ABLIM1: variants seen among roughly 807,000 people sequenced by gnomAD.
ABLIM1 encodes actin-binding LIM protein 1.
In ABLIM1, 40 loss-of-function variants were observed where a neutral mutation model predicts 107.0. That is an observed-to-expected ratio of 0.37 (90% confidence interval 0.29 to 0.49). The LOEUF is 0.49. Ranked by LOEUF, ABLIM1 falls within the 20% of genes least tolerant of loss-of-function variation. ABLIM1 has a pLI of 0.97. For missense variants in ABLIM1, 857 were observed against 1,008.5 expected (o/e 0.85, Z 2.04); for synonymous variants, 357 against 357.3 (o/e 1.00, Z 0.01).
At chr10:114,538,911 C>A (rs1481561377) in intron 6 of ABLIM1, among the ~76,000 whole-genome samples, 1 of 152,256 alleles carries the variant, frequency 6.6e-6, no homozygotes, top group Non-Finnish European at 1.5e-5. Flanking sequence ...CAAGCCCACC[C>A]TTCCTTAGTC....
At chr10:114,709,648 T>C (rs1363326168) in intron 1 of ABLIM1, among the ~76,000 whole-genome samples, 1 of 152,218 alleles carries the variant, frequency 6.6e-6, no homozygotes, top group Non-Finnish European at 1.5e-5. Context: ...AAAGGTTCTT[T>C]TCTCTACATA....
chr10:114,740,232 G>A (rs1402463445), intron 1 of ABLIM1, among the ~76,000 whole-genome samples: 1 of 151,928 alleles, frequency 6.6e-6, no homozygotes, highest in Non-Finnish European at 1.5e-5. Flanking sequence ...GATTTTAAGA[G>A]GACCCATATT....
intron 1 of ABLIM1, among the ~76,000 whole-genome samples, chr10:114,704,505 T>G (rs1416066460): frequency 6.6e-6 from 1 of 151,582 alleles, no homozygotes; most frequent in Non-Finnish European, 1.5e-5. Flanking sequence ...GTAAGAGTAT[T>G]ACATATTGGC....
At chr10:114,637,970 A>G (rs2078563154) in intron 1 of ABLIM1, among the ~76,000 whole-genome samples, 1 of 152,214 alleles carries the variant, frequency 6.6e-6, no homozygotes. Context: ...TAGAATTGCA[A>G]TGCCTTCCCT....
chr10:114,507,865 C>T (rs2061365903), intron 6 of ABLIM1, among the ~76,000 whole-genome samples: 2 of 152,164 alleles, frequency 1.3e-5, no homozygotes, highest in South Asian at 4.1e-4. Flanking sequence ...CTGTGTTGTC[C>T]CTCAAGGCAG....
chr10:114,773,568 A>T, the ABLIM1 span, among the ~76,000 whole-genome samples: 8 of 152,170 alleles, frequency 5.3e-5, no homozygotes, highest in African/African-American at 1.9e-4. Context: ...CTAAAAATTT[A>T]AAAATTAGCT....
At chr10:114,787,995 T>C in the ABLIM1 span, among the ~76,000 whole-genome samples, 1 of 145,036 alleles carries the variant, frequency 6.9e-6, no homozygotes, top group African/African-American at 2.5e-5. Context: ...AGAAAAATTC[T>C]TCTGCCTTGG....
chr10:114,576,307 A>G (rs934669328), intron 2 of ABLIM1, among the ~76,000 whole-genome samples: 5 of 152,182 alleles, frequency 3.3e-5, no homozygotes, highest in African/African-American at 1.2e-4. Context: ...ACGTGTTCAG[A>G]CAAGACCAGA....
At chr10:114,693,926 G>A (rs1231050544) in intron 1 of ABLIM1, among the ~76,000 whole-genome samples, 2 of 151,054 alleles carry the variant, frequency 1.3e-5, no homozygotes, top group South Asian at 2.1e-4. Context: ...CCCTCCCAAA[G>A]TGCTGGGATT....
chr10:114,627,640 T>G (rs976060657), intron 1 of ABLIM1, among the ~76,000 whole-genome samples: 1 of 152,172 alleles, frequency 6.6e-6, no homozygotes, highest in African/African-American at 2.4e-5. Flanking sequence ...TGTAGACATA[T>G]CTACTTTGAT....
intron 4 of ABLIM1, among the ~76,000 whole-genome samples, chr10:114,562,631 T>C (rs1418831815): frequency 6.6e-6 from 1 of 152,176 alleles, no homozygotes; most frequent in Non-Finnish European, 1.5e-5. Flanking sequence ...AAAACACTTG[T>C]GAGATGAGAA....
intron 1 of ABLIM1, chr10:114,632,357 C>A (rs2078244946): frequency 2.0e-6 from 2 of 985,274 alleles, no homozygotes; most frequent in Non-Finnish European, 2.4e-6. Context: ...AGAGGAGGAC[C>A]GAGCACCAGC....
At chr10:114,605,573 A>G (rs1591544704) in intron 1 of ABLIM1, among the ~76,000 whole-genome samples, 1 of 152,208 alleles carries the variant, frequency 6.6e-6, no homozygotes, top group Non-Finnish European at 1.5e-5. Context: ...TGACTAGTCA[A>G]TGATTTACCC....
chr10:114,784,268 C>G, the ABLIM1 span, among the ~76,000 whole-genome samples: 1 of 151,328 alleles, frequency 6.6e-6, no homozygotes, highest in Admixed American at 6.6e-5. Context: ...ATTGCTTGAA[C>G]CTGGGAGGCG....
chr10:114,487,803 C>T (rs905314862), intron 8 of ABLIM1, among the ~76,000 whole-genome samples, 155 bp downstream of exon 8: 1 of 152,202 alleles, frequency 6.6e-6, no homozygotes, highest in African/African-American at 2.4e-5. Context: ...AAGAGGGGAA[C>T]CCTTTCCCTA....
At chr10:114,785,608 T>G in the ABLIM1 span, among the ~76,000 whole-genome samples, 2 of 152,196 alleles carry the variant, frequency 1.3e-5, no homozygotes, top group African/African-American at 2.4e-5. Flanking sequence ...TCTATATTAT[T>G]CATGTATAAA....
upstream of ABLIM1, chr10:114,658,331 G>A (rs2079625987): frequency 6.8e-6 from 10 of 1,481,128 alleles, no homozygotes; most frequent in South Asian, 9.9e-5. Flanking sequence ...GAAGATTAAG[G>A]GAGATGTATT....
chr10:114,612,937 C>T (rs1245263188), intron 1 of ABLIM1, among the ~76,000 whole-genome samples: 1 of 152,166 alleles, frequency 6.6e-6, no homozygotes. Flanking sequence ...CCAGACACCT[C>T]AGAGGAATTT....
intron 1 of ABLIM1, among the ~76,000 whole-genome samples, chr10:114,712,101 C>G (rs997483918): frequency 6.6e-6 from 1 of 151,838 alleles, no homozygotes; most frequent in African/African-American, 2.4e-5. Context: ...ACCTGTAATC[C>G]CAGCACGTTG....
Sources: gnomAD v4.1 joint callset for allele counts (sites outside exome capture counted in the v4.1 genomes callset) on GRCh38, gnomAD v4.1.1 for gene constraint, MANE v1.5 for transcripts, NCBI Gene and HGNC (gene_info 2026-07-23, HGNC 2026-07-21) for gene names.